The following DAB1 variants were observed in gnomAD, a reference collection of about 807,000 sequenced individuals.
DAB1 encodes disabled homolog 1.
A neutral mutation model predicts 64.6 loss-of-function variants in DAB1; 15 were observed. That is an observed-to-expected ratio of 0.23 (90% confidence interval 0.16 to 0.36). DAB1 has a LOEUF of 0.36. DAB1 is among the 10% of genes least tolerant of loss of function. DAB1 has a pLI of 1.00. For synonymous variants in DAB1, 235 were observed against 251.9 expected, an observed-to-expected ratio of 0.93 and a Z score of 0.64; for missense variants, 596 against 706.7, an observed-to-expected ratio of 0.84 and a Z score of 1.78.
intron 4 of DAB1, among the ~76,000 whole-genome samples, chr1:57,091,423 AATTT>A (rs2100659435): frequency 6.6e-6 from 1 of 152,270 alleles, no homozygotes; most frequent in South Asian, 2.1e-4. Flanking sequence ...AGCTCTATGT[AATTT>A]ATTTATTTCA....
rs1481353814 is a variant in DAB1 at position 56,996,274 on chromosome 1, TA to T, written c.*1869del. On this transcript the variant is annotated 3_prime_UTR_variant, in exon 15 of 15. Coordinates refer to ENST00000371236, the MANE Select transcript of DAB1 (RefSeq NM_001365792.1). The stretch of plus-strand genomic sequence containing the variant: ...CTTTTCAAATCTAAAAACCAAATAA[TA>T]ATAATTATCCTCAAATCCAATTAAT... 1 of 152,180 alleles carries T rather than the reference TA, an allele frequency of 6.6e-6. No individual in the cohort carries two copies. The highest frequency in any genetic ancestry group is 2.4e-5 in the African/African-American group (1 of 41,440). 9.4% of individuals were successfully genotyped at this position (152,180 alleles called of 1,614,324 possible). A position where few individuals can be genotyped will look rare whatever the true frequency, so the allele number is the denominator to read the frequency against.
At chr1:57,632,382 A>C (rs377326915) in intron 7 of DAB1, among the ~76,000 whole-genome samples, 13 of 152,202 alleles carry the variant, frequency 8.5e-5, no homozygotes, top group East Asian at 3.8e-4. Context: ...GTGGACTTCC[A>C]GTTTAACATG....
chr1:57,989,932 C>CTCAAAAT (rs1381521989), intron 5 of DAB1, among the ~76,000 whole-genome samples: 1 of 152,130 alleles, frequency 6.6e-6, no homozygotes, highest in Non-Finnish European at 1.5e-5. Context: ...TTTCTTCTCC[C>CTCAAAAT]TCAAAATTCA....
chr1:57,250,034 G>A (rs546241400), intron 2 of DAB1, among the ~76,000 whole-genome samples: 113 of 152,270 alleles, frequency 7.4e-4, no homozygotes, highest in Non-Finnish European at 1.4e-3. Context: ...CCCAAAGTCT[G>A]AATTCAGGAC....
At chr1:58,118,619 T>C (rs1330730340) in intron 5 of DAB1, among the ~76,000 whole-genome samples, 1 of 133,680 alleles carries the variant, frequency 7.5e-6, no homozygotes, top group East Asian at 2.1e-4. Flanking sequence ...CATATATATA[T>C]ATAAAATACA....
intron 4 of DAB1, among the ~76,000 whole-genome samples, chr1:58,336,071 G>A (rs1346400714): frequency 1.3e-5 from 2 of 152,186 alleles, no homozygotes; most frequent in Admixed American, 1.3e-4. Context: ...GGACCAAGAA[G>A]AGATCCAAGG....
intron 4 of DAB1, among the ~76,000 whole-genome samples, chr1:58,277,244 T>C (rs1001189130): frequency 3.9e-5 from 6 of 151,988 alleles, no homozygotes; most frequent in Admixed American, 2.6e-4. Context: ...TTCACCATGT[T>C]GGCCACGCTG....
At chr1:58,542,468 T>C (rs1229645914) in intron 1 of DAB1, 1 of 152,182 alleles carries the variant, frequency 6.6e-6, no homozygotes, top group African/African-American at 2.4e-5. Flanking sequence ...AATTCAGTTA[T>C]TAAATACTAC....
intron 2 of DAB1, among the ~76,000 whole-genome samples, chr1:57,157,274 C>T (rs1292296092): frequency 6.6e-6 from 1 of 152,112 alleles, no homozygotes; most frequent in Non-Finnish European, 1.5e-5. Context: ...CAATATTTCC[C>T]TGTCTTGGAG....
At chr1:58,033,833 A>G (rs112064017) in intron 5 of DAB1, among the ~76,000 whole-genome samples, 51 of 152,258 alleles carry the variant, frequency 3.3e-4, no homozygotes, top group Middle Eastern at 3.4e-3. Flanking sequence ...TTTTTAGGTT[A>G]TCTAAATTGC....
chr1:57,757,972 A>T lies in DAB1; in HGVS notation n.552-108307T>A, dbSNP rs78575687. Among the ~76,000 whole-genome samples the T allele has an allele frequency of 8.6e-3, 1,311 of 152,218 alleles. 20 individuals are homozygous for T. The highest frequency in any genetic ancestry group is 0.03 in the African/African-American group (1,257 of 41,536). ...GCTAGGACTCCAGGTACATGTCACCATGCACAGTTAATTAAAAGAAAAATT... is the reference window on the plus strand; with the variant it reads ...GCTAGGACTCCAGGTACATGTCACCTTGCACAGTTAATTAAAAGAAAAATT... On this transcript the variant is annotated intron_variant and non_coding_transcript_variant, in intron 6 of 20. Coordinates refer to the DAB1 transcript ENST00000485760.
chr1:57,880,928 C>T (rs1316494411), intron 1 of DAB1: 2 of 152,078 alleles, frequency 1.3e-5, no homozygotes, highest in Admixed American at 6.6e-5. Context: ...TTGTTGAATT[C>T]TTAGGAATAA....
chr1:57,964,820 G>C (rs7412580), intron 5 of DAB1, among the ~76,000 whole-genome samples: 1 of 151,978 alleles, frequency 6.6e-6, no homozygotes, highest in East Asian at 1.9e-4. Flanking sequence ...GAAGAAGGAA[G>C]GAAAGAGGGA....
At chr1:57,288,651 T>C (rs1026037085) in intron 2 of DAB1, among the ~76,000 whole-genome samples, 1 of 152,112 alleles carries the variant, frequency 6.6e-6, no homozygotes, top group Admixed American at 6.5e-5. Flanking sequence ...TTTCTGTTGT[T>C]TAAGCTGTCA....
intron 5 of DAB1, among the ~76,000 whole-genome samples, chr1:58,117,573 A>C: frequency 6.6e-6 from 1 of 152,180 alleles, no homozygotes; most frequent in Non-Finnish European, 1.5e-5. Context: ...GCGTGGCTTC[A>C]AACCAGCAGC....
At chr1:57,545,472 C>T (rs1328886582) in intron 7 of DAB1, among the ~76,000 whole-genome samples, 9 of 152,150 alleles carry the variant, frequency 5.9e-5, no homozygotes, top group Non-Finnish European at 1.3e-4. Context: ...CTAGAAGTTC[C>T]ATGTGCTGGG....
chr1:57,604,093 G>C (rs1028696542), intron 7 of DAB1, among the ~76,000 whole-genome samples: 2 of 152,202 alleles, frequency 1.3e-5, no homozygotes, highest in Non-Finnish European at 2.9e-5. Context: ...TCACCTCAAT[G>C]GGTATGACTC....
intron 4 of DAB1, among the ~76,000 whole-genome samples, chr1:57,089,851 GA>G (rs1411868515): frequency 6.6e-6 from 1 of 152,182 alleles, no homozygotes; most frequent in Non-Finnish European, 1.5e-5. Context: ...ACTGTACTGT[GA>G]CTGCTGGTTT....
chr1:58,290,563 A>T (rs1433027900), intron 4 of DAB1, among the ~76,000 whole-genome samples: 1 of 152,180 alleles, frequency 6.6e-6, no homozygotes, highest in East Asian at 1.9e-4. Flanking sequence ...GTTGTAAAAA[A>T]AAATTGGTAT....
Sources: allele counts gnomAD v4.1 joint callset (sites outside exome capture counted in the v4.1 genomes callset), GRCh38; gene constraint gnomAD v4.1.1; transcripts MANE v1.5; gene names NCBI Gene and HGNC (gene_info 2026-07-23, HGNC 2026-07-21).